Variants in SLC16A10 observed in about 807,000 individuals in gnomAD.
SLC16A10 encodes monocarboxylate transporter 10.
In SLC16A10, 27 loss-of-function variants were observed where a neutral mutation model predicts 40.0. That is an observed-to-expected ratio of 0.67 (90% confidence interval 0.50 to 0.93). SLC16A10 has a LOEUF of 0.93. SLC16A10 is among the 40% of genes least tolerant of loss of function. The pLI is 0.00. For synonymous variants in SLC16A10, 213 were observed against 249.8 expected, an observed-to-expected ratio of 0.85 and a Z score of 1.39; for missense variants, 529 against 658.2, an observed-to-expected ratio of 0.80 and a Z score of 2.15.
At chr6:111,212,149 A>C (rs1342591965) in intron 4 of SLC16A10, among the ~76,000 whole-genome samples, 1 of 152,112 alleles carries the variant, frequency 6.6e-6, no homozygotes, top group Non-Finnish European at 1.5e-5. Context: ...GCCCAAGAGC[A>C]CAGGCTCTGG....
chr6:111,152,257 A>T (rs571864499), intron 1 of SLC16A10, among the ~76,000 whole-genome samples: 1 of 152,320 alleles, frequency 6.6e-6, no homozygotes, highest in South Asian at 2.1e-4. Flanking sequence ...TTTGTCAACC[A>T]GCATATCAAC....
intron 1 of SLC16A10, among the ~76,000 whole-genome samples, chr6:111,112,481 G>A (rs1562400734): frequency 6.6e-6 from 1 of 152,208 alleles, no homozygotes; most frequent in Admixed American, 6.5e-5. Context: ...TGCAGGGGCT[G>A]TGTCTGTCTT....
chr6:111,159,426 A>C (rs933021724), intron 1 of SLC16A10, among the ~76,000 whole-genome samples: 2 of 152,154 alleles, frequency 1.3e-5, no homozygotes, highest in Admixed American at 6.5e-5. Context: ...GAATTACTAG[A>C]ATGTGGTGCA....
chr6:111,181,324 C>T lies in SLC16A10; in HGVS notation c.942+3659C>T, dbSNP rs535877325. The stretch of plus-strand genomic sequence containing the variant: ...GGGCATCCTCTGTAAGCATCAGTTT[C>T]CTCATCTATGGAGATAAACCCAATT... On this transcript the variant is annotated intron_variant, in intron 3 of 5. Transcript: ENST00000368851. Among the ~76,000 whole-genome samples the T allele has an allele frequency of 3.9e-5, 6 of 152,068 alleles. No homozygotes were observed. The South Asian group carries it at 1.2e-3, about 32-fold the overall frequency.
chr6:111,184,485 T>C (rs926426462), intron 3 of SLC16A10, among the ~76,000 whole-genome samples: 19 of 131,702 alleles, frequency 1.4e-4, no homozygotes, highest in African/African-American at 2.9e-5. Flanking sequence ...TTGGAAATGA[T>C]TTTTTTTTTT....
chr6:111,156,347 A>C (rs1420560699), intron 1 of SLC16A10, among the ~76,000 whole-genome samples: 1 of 152,210 alleles, frequency 6.6e-6, no homozygotes, highest in East Asian at 1.9e-4. Context: ...TAGGGAAAAG[A>C]AGACAACTTC....
At chr6:111,157,473 T>G (rs1304224170) in intron 1 of SLC16A10, among the ~76,000 whole-genome samples, 1 of 151,764 alleles carries the variant, frequency 6.6e-6, no homozygotes, top group Non-Finnish European at 1.5e-5. Context: ...TTAGTAGAGA[T>G]GGGTTTCATT....
At chr6:111,221,821 T>A (rs1248245402) in intron 5 of SLC16A10, among the ~76,000 whole-genome samples, 182 bp from the exon 6 acceptor site, 1 of 151,952 alleles carries the variant, frequency 6.6e-6, no homozygotes, top group Non-Finnish European at 1.5e-5. Flanking sequence ...CTGTACTTTA[T>A]GACAACGTTA....
intron 1 of SLC16A10, among the ~76,000 whole-genome samples, chr6:111,143,299 C>T (rs1455946045): frequency 6.6e-6 from 1 of 151,938 alleles, no homozygotes; most frequent in Non-Finnish European, 1.5e-5. Flanking sequence ...TGGTTTTGAA[C>T]TCCTGGGCTC....
chr6:111,230,457 T>A lies in SLC16A10; in HGVS notation c.*8222T>A, dbSNP rs1771093906. The A allele has an allele frequency of 6.6e-6, 1 of 152,220 alleles. No homozygotes were observed. The highest frequency in any genetic ancestry group is 1.5e-5 in the Non-Finnish European group (1 of 68,038). The allele number at this position is 152,220 out of a possible 1,614,324, so 9.4% of individuals were successfully genotyped here. A position where few individuals can be genotyped will look rare whatever the true frequency, so the allele number is the denominator to read the frequency against. On this transcript the variant is annotated 3_prime_UTR_variant, in exon 6 of 6. Transcript: ENST00000368851. ...CTCTGGTAACTAATGATAACACTTT[T>A]CTACGTTAACATGAGTTATATTTGG...
At chr6:111,115,933 C>T (rs960646692) in intron 1 of SLC16A10, among the ~76,000 whole-genome samples, 12 of 152,052 alleles carry the variant, frequency 7.9e-5, no homozygotes, top group Non-Finnish European at 1.6e-4. Context: ...TTTGTTTTAT[C>T]ATACTACTTG....
chr6:111,150,125 A>G (rs552513787), intron 1 of SLC16A10, among the ~76,000 whole-genome samples: 10 of 152,366 alleles, frequency 6.6e-5, no homozygotes, highest in African/African-American at 2.2e-4. Flanking sequence ...TCAGAGTTGA[A>G]TAGGCTATGA....
chr6:111,158,606 G>C (rs1392911422), intron 1 of SLC16A10, among the ~76,000 whole-genome samples: 1 of 152,170 alleles, frequency 6.6e-6, no homozygotes, highest in African/African-American at 2.4e-5. Flanking sequence ...GTGTGGCCTG[G>C]TTCCTAACAG....
chr6:111,161,146 C>T (rs777184821), intron 1 of SLC16A10, among the ~76,000 whole-genome samples: 1 of 130,082 alleles, frequency 7.7e-6, no homozygotes, highest in Non-Finnish European at 1.6e-5. Flanking sequence ...TTGCTGGAAC[C>T]TGGGAGGCAG....
intron 1 of SLC16A10, among the ~76,000 whole-genome samples, chr6:111,093,326 T>C (rs1428637537): frequency 6.6e-6 from 1 of 152,206 alleles, no homozygotes; most frequent in Non-Finnish European, 1.5e-5. Flanking sequence ...AACTCTACAC[T>C]CCCTGTATGG....
intron 1 of SLC16A10, among the ~76,000 whole-genome samples, chr6:111,100,221 G>A (rs561594684): frequency 9.9e-5 from 15 of 152,040 alleles, no homozygotes; most frequent in Non-Finnish European, 1.6e-4. Context: ...TTCAATACAC[G>A]GGTGTCTGTA....
intron 1 of SLC16A10, among the ~76,000 whole-genome samples, chr6:111,127,372 C>T (rs1486497044): frequency 6.6e-6 from 1 of 152,146 alleles, no homozygotes; most frequent in Non-Finnish European, 1.5e-5. Context: ...GAAACAGAAG[C>T]ACAGAAGCCG....
At position 111,211,288 on chromosome 6, in the gene SLC16A10, G is replaced by T. The variant is rs1773342881; in HGVS notation, c.1086+4553G>T. Among the ~76,000 whole-genome samples, 2 of 152,164 alleles carry T rather than the reference G, an allele frequency of 1.3e-5. 1 individual carries two copies. The highest frequency in any genetic ancestry group is 4.1e-4 in the South Asian group (2 of 4,832). On this transcript the variant is annotated intron_variant, in intron 4 of 5. Coordinates refer to ENST00000368851, the MANE Select transcript of SLC16A10 (RefSeq NM_018593.5). The stretch of plus-strand genomic sequence containing the variant: ...AATGTTTGAACGTCCTCCTACCCTA[G>T]ATAGGGCAGACAGATTATCTGCAAC...
intron 1 of SLC16A10, among the ~76,000 whole-genome samples, chr6:111,143,653 G>A (rs901794465): frequency 3.9e-5 from 6 of 152,256 alleles, no homozygotes; most frequent in South Asian, 2.1e-4. Context: ...ATGGCAAAAC[G>A]AAGGCAACAA....
Sources: allele counts gnomAD v4.1 joint callset (sites outside exome capture counted in the v4.1 genomes callset), GRCh38; gene constraint gnomAD v4.1.1; transcripts MANE v1.5; gene names NCBI Gene and HGNC (gene_info 2026-07-23, HGNC 2026-07-21).